The following TTC7A variants were observed in gnomAD, a reference collection of about 807,000 sequenced individuals.
TTC7A encodes the protein tetratricopeptide repeat domain 7A, also known as tetratricopeptide repeat protein 7A.
In TTC7A, 110 loss-of-function variants were observed where a neutral mutation model predicts 103.7. The ratio of observed to expected loss-of-function variants is 1.06; its 90% CI spans 0.91 to 1.24. The LOEUF is 1.24. TTC7A is among the 50% of genes most tolerant of loss of function. The probability of loss-of-function intolerance (pLI) is 0.00; values close to 1 mark genes in which losing one functional copy is unlikely to be tolerated. For synonymous variants in TTC7A, 521 were observed against 467.9 expected, an observed-to-expected ratio of 1.11 and a Z score of -1.47; for missense variants, 1,340 against 1,116.3, an observed-to-expected ratio of 1.20 and a Z score of -2.86.
chr2:46,921,439 A>C (rs1484422010), intron 2 of TTC7A, among the ~76,000 whole-genome samples: 1 of 152,192 alleles, frequency 6.6e-6, no homozygotes, highest in Non-Finnish European at 1.5e-5. Context: ...GGGCAAGTCT[A>C]ATTCAGTTAT....
chr2:47,004,699 C>A (rs540559976), intron 8 of TTC7A, among the ~76,000 whole-genome samples: 1 of 151,636 alleles, frequency 6.6e-6, no homozygotes, highest in Non-Finnish European at 1.5e-5. Flanking sequence ...TGGGGGCGGC[C>A]CCCAGCAGCA....
At chr2:47,002,499 A>G (rs539031719) in intron 8 of TTC7A, among the ~76,000 whole-genome samples, 1 of 152,242 alleles carries the variant, frequency 6.6e-6, no homozygotes, top group South Asian at 2.1e-4. Flanking sequence ...GGTGGAAGGG[A>G]AAGAGTGTGG....
At chr2:46,920,694 C>G (rs1669060135) in intron 2 of TTC7A, among the ~76,000 whole-genome samples, 1 of 151,698 alleles carries the variant, frequency 6.6e-6, no homozygotes, top group South Asian at 2.1e-4. Flanking sequence ...TTTGATCACC[C>G]TGACATCCCA....
chr2:46,985,043 T>C (rs1327324667), intron 5 of TTC7A, among the ~76,000 whole-genome samples: 1 of 152,164 alleles, frequency 6.6e-6, no homozygotes, highest in Non-Finnish European at 1.5e-5. Context: ...TGCTTCCCCC[T>C]GTCTGCACTC....
At chr2:47,030,146 C>T (rs1680375528) in intron 15 of TTC7A, among the ~76,000 whole-genome samples, 1 of 152,244 alleles carries the variant, frequency 6.6e-6, no homozygotes, top group African/African-American at 2.4e-5. Context: ...ACCCACTTCC[C>T]CCTGTTCCAC....
At chr2:46,956,705 A>G in intron 2 of TTC7A, 134 bp from the exon 3 acceptor site, 1 of 891,408 alleles carries the variant, frequency 1.1e-6, no homozygotes, top group South Asian at 1.5e-5. Flanking sequence ...GTGCTTGAGC[A>G]TCAAAGAAGG....
chr2:46,934,820 G>A (rs1235103861), intron 2 of TTC7A, among the ~76,000 whole-genome samples: 2 of 45,024 alleles, frequency 4.4e-5, no homozygotes, highest in Non-Finnish European at 8.9e-5. Context: ...TTTTTTTTTT[G>A]AGACTGAGTC....
At chr2:46,939,927 G>C (rs552198180), upstream of TTC7A, among the ~76,000 whole-genome samples, 1 of 152,120 alleles carries the variant, frequency 6.6e-6, no homozygotes, top group Non-Finnish European at 1.5e-5. Flanking sequence ...TCTACCTCCT[G>C]GCCTCTGGGG....
rs531323017 is a variant in TTC7A, at chr2:46,967,521, GTC to G, written c.518-7450_518-7449del. ...AATCATACAGTATTTGCCTTTTTGT[GTC>G]TGGCTCATTTCACTTAGTAAAATGT... On this transcript the variant is annotated intron_variant, in intron 3 of 19. Transcript: ENST00000319190. Among the ~76,000 whole-genome samples the G allele has an allele frequency of 9.2e-5, 14 of 152,238 alleles. No individual in the cohort carries two copies. In the East Asian group the frequency reaches 2.3e-3, roughly 25 times the overall value.
chr2:47,010,325 G>C (rs1677906077), intron 10 of TTC7A, among the ~76,000 whole-genome samples: 1 of 152,184 alleles, frequency 6.6e-6, no homozygotes, highest in South Asian at 2.1e-4. Context: ...CTGTGTTCCA[G>C]TAAAACTTTA....
intron 11 of TTC7A, among the ~76,000 whole-genome samples, chr2:47,012,620 A>G (rs1678193295): frequency 6.6e-6 from 1 of 152,148 alleles, no homozygotes; most frequent in African/African-American, 2.4e-5. Context: ...CAAATCATGG[A>G]TTCTGGGGAG....
At chr2:47,023,518 T>G (rs1013851081) in intron 13 of TTC7A, 53 bp downstream of exon 13, 6 of 1,580,530 alleles carry the variant, frequency 3.8e-6, no homozygotes, top group Non-Finnish European at 4.3e-6. Context: ...GGTGGCAGAT[T>G]CACAAGCTTT....
chr2:46,925,152 G>C (rs6419615), intron 2 of TTC7A, among the ~76,000 whole-genome samples: 119,457 of 152,116 alleles, frequency 0.79, 47,457 homozygotes, highest in African/African-American at 0.89. Flanking sequence ...GGGGTTGTCT[G>C]GCTATGTTCC....
At chr2:47,008,050 A>G (rs1352020891) in intron 10 of TTC7A, among the ~76,000 whole-genome samples, 1 of 152,146 alleles carries the variant, frequency 6.6e-6, no homozygotes, top group African/African-American at 2.4e-5. Context: ...TGTTGAAGGC[A>G]CCGGTCAGCC....
chr2:46,952,558 C>A (rs1017744646), intron 2 of TTC7A, among the ~76,000 whole-genome samples: 5 of 152,148 alleles, frequency 3.3e-5, no homozygotes, highest in Non-Finnish European at 5.9e-5. Context: ...TGAGATCAGA[C>A]TGGGCAACAT....
upstream of TTC7A, among the ~76,000 whole-genome samples, chr2:46,940,357 C>A (rs2103875992): frequency 6.6e-6 from 1 of 152,254 alleles, no homozygotes; most frequent in East Asian, 1.9e-4. The surrounding 1 kb of genome is among the most constrained non-coding windows in gnomAD (Gnocchi z 4.7). Context: ...TCGGGTCTTG[C>A]TGTGGCTTCT....
intron 4 of TTC7A, 71 bp from the exon 5 acceptor site, chr2:46,978,721 C>T: frequency 8.0e-7 from 1 of 1,247,758 alleles, no homozygotes; most frequent in Non-Finnish European, 1.2e-6. Flanking sequence ...GATGAGGCCA[C>T]CTCCTCTTGC....
In TTC7A at chr2:47,001,859, CAAAAAAAAA is replaced by C. The variant is rs397871545; in HGVS notation, c.1066-4051_1066-4043del. Reference sequence around the variant, plus strand: ...GGGCAACAAGAGCGAGACTCTGTCTCAAAAAAAAAAAAAAAAAAAAGAGTAATGCATGTC... The same window carrying C: ...GGGCAACAAGAGCGAGACTCTGTCTCAAAAAAAAAAAGAGTAATGCATGTC... On this transcript the variant is annotated intron_variant, in intron 8 of 19. Transcript: ENST00000319190. 6.6e-5 allele frequency among the ~76,000 whole-genome samples: 6 copies of C among 90,482 alleles called. No individual in the cohort carries two copies. The East Asian group carries it at 2.0e-3, about 30-fold the overall frequency. The allele number at this position is 90,482 out of a possible 152,430, so 59.4% of individuals were successfully genotyped here.
chr2:46,918,531 T>C (rs1668936722), intron 2 of TTC7A, among the ~76,000 whole-genome samples: 1 of 152,234 alleles, frequency 6.6e-6, no homozygotes, highest in Admixed American at 6.5e-5. Flanking sequence ...GCTGAACCCA[T>C]TCCTAACAGG....
Sources: allele counts gnomAD v4.1 joint callset (sites outside exome capture counted in the v4.1 genomes callset), GRCh38; gene constraint gnomAD v4.1.1; non-coding constraint Gnocchi (gnomAD v3.1); transcripts MANE v1.5; gene names NCBI Gene and HGNC (gene_info 2026-07-23, HGNC 2026-07-21).